Variants in LCLAT1 observed in about 807,000 individuals in gnomAD.
The protein encoded by LCLAT1 is lysocardiolipin acyltransferase 1.
In LCLAT1, 11 loss-of-function variants were observed where a neutral mutation model predicts 30.7. The observed-to-expected ratio is 0.36, with a 90% CI of 0.23 to 0.59. The LOEUF (loss-of-function observed/expected upper bound fraction) is 0.59. Among genes scored for constraint, LCLAT1 ranks in the 20% least tolerant of loss-of-function variants. LCLAT1 has a pLI of 0.77. For synonymous variants in LCLAT1, 155 were observed against 151.3 expected, an observed-to-expected ratio of 1.02 and a Z score of -0.18; for missense variants, 402 against 458.6, an observed-to-expected ratio of 0.88 and a Z score of 1.13.
At chr2:30,504,838 G>A (rs549716848) in intron 1 of LCLAT1, among the ~76,000 whole-genome samples, 4 of 152,246 alleles carry the variant, frequency 2.6e-5, no homozygotes, top group South Asian at 4.1e-4. Flanking sequence ...AGAGGCAACC[G>A]CATGTGTCAT....
chr2:30,586,286 C>T (rs1270841695), intron 5 of LCLAT1, among the ~76,000 whole-genome samples: 1 of 150,498 alleles, frequency 6.6e-6, no homozygotes, highest in East Asian at 1.9e-4. Context: ...TATTCTCTCA[C>T]AGTCTGTAAG....
intron 5 of LCLAT1, among the ~76,000 whole-genome samples, chr2:30,578,081 G>A (rs887823142): frequency 3.3e-5 from 5 of 152,072 alleles, no homozygotes; most frequent in Non-Finnish European, 5.9e-5. Context: ...ATAGTTGTTT[G>A]TCTTATCTCT....
At chr2:30,478,089 A>G (rs956769603) in intron 1 of LCLAT1, among the ~76,000 whole-genome samples, 3 of 150,472 alleles carry the variant, frequency 2.0e-5, no homozygotes, top group Admixed American at 6.6e-5. Flanking sequence ...AAAAAAAAAA[A>G]GGCATAAGCC....
At chr2:30,553,661 A>G (rs896280051) in intron 3 of LCLAT1, among the ~76,000 whole-genome samples, 11 of 151,110 alleles carry the variant, frequency 7.3e-5, no homozygotes, top group African/African-American at 1.2e-4. Context: ...TAAAAATACA[A>G]AAAATTAGCC....
Position 30,600,531 on chromosome 2 carries a change from G to A in LCLAT1, c.628+32355G>A, listed in dbSNP as rs115421011. 3.5e-3 allele frequency among the ~76,000 whole-genome samples: 531 copies of A among 152,252 alleles called. 1 individual carries two copies. The highest frequency in any genetic ancestry group is 0.011 in the African/African-American group (460 of 41,544). The stretch of plus-strand genomic sequence containing the variant: ...AGCCAAGATCAGAGTTGAAGTGAAA[G>A]ACACAGAGATATGAAAAACAAACAC... On this transcript the variant is annotated intron_variant, in intron 5 of 5. Coordinates refer to ENST00000379509, the MANE Select transcript of LCLAT1 (RefSeq NM_001002257.3).
chr2:30,600,297 A>G (rs540422681), intron 5 of LCLAT1, among the ~76,000 whole-genome samples: 1 of 152,342 alleles, frequency 6.6e-6, no homozygotes, highest in Non-Finnish European at 1.5e-5. Context: ...ATTAAGGCAG[A>G]AATCAAGAAG....
At position 30,548,872 on chromosome 2, in the gene LCLAT1, AT is replaced by A. The variant is rs1233757482; in HGVS notation, c.365-13273del. On this transcript the variant is annotated intron_variant, in intron 3 of 5. Coordinates refer to ENST00000379509, the MANE Select transcript of LCLAT1 (RefSeq NM_001002257.3). ...TACAGGGTTAAACAAAGCTCATGTG[AT>A]GAGAATTTATGGTTTGTAGGGCATG... Among the ~76,000 whole-genome samples the A allele has an allele frequency of 2.0e-5, 3 of 152,258 alleles. No homozygotes were observed. The East Asian group carries it at 5.8e-4, about 29-fold the overall frequency.
chr2:30,521,489 C>CTT lies in LCLAT1; in HGVS notation c.-4-4097_-4-4096dup, dbSNP rs1262784785. On this transcript the variant is annotated intron_variant, in intron 1 of 5. Coordinates refer to ENST00000379509, the MANE Select transcript of LCLAT1 (RefSeq NM_001002257.3). ...GTTTCCTCAACCCCCTAAACTACTT[C>CTT]TTCTTTTTTTTTTTTTTTTTTTTTT... Among the ~76,000 whole-genome samples, 50 of 55,528 alleles carry CTT rather than the reference C, an allele frequency of 9.0e-4. 1 individual carries two copies. The highest frequency in any genetic ancestry group is 2.1e-3 in the African/African-American group (26 of 12,258). The allele number at this position is 55,528 out of a possible 152,430, so 36.4% of individuals were successfully genotyped here. A position where few individuals can be genotyped will look rare whatever the true frequency, so the allele number is the denominator to read the frequency against.
At chr2:30,616,331 T>C (rs1667990329) in intron 5 of LCLAT1, among the ~76,000 whole-genome samples, 1 of 152,184 alleles carries the variant, frequency 6.6e-6, no homozygotes, top group Non-Finnish European at 1.5e-5. Context: ...TCAAACAGAT[T>C]AGATGCCATA....
intron 5 of LCLAT1, chr2:30,606,598 T>TAAAG (rs1667457289): frequency 6.9e-6 from 1 of 144,116 alleles, no homozygotes; most frequent in African/African-American, 2.6e-5. Flanking sequence ...CAAGATGGAT[T>TAAAG]AAAGACTTAA....
chr2:30,553,937 A>G (rs1664797330), intron 3 of LCLAT1, among the ~76,000 whole-genome samples: 1 of 152,258 alleles, frequency 6.6e-6, no homozygotes, highest in Non-Finnish European at 1.5e-5. Context: ...GGATCTTAAC[A>G]TTAAGAAAAA....
At chr2:30,465,421 T>C (rs1163416786) in intron 1 of LCLAT1, among the ~76,000 whole-genome samples, 2 of 152,194 alleles carry the variant, frequency 1.3e-5, no homozygotes, top group East Asian at 1.9e-4. Flanking sequence ...TTTCAGACTT[T>C]TTTTGGCCTC....
chr2:30,638,337 A>C (rs1202610976), intron 5 of LCLAT1, among the ~76,000 whole-genome samples: 1 of 152,210 alleles, frequency 6.6e-6, no homozygotes, highest in Non-Finnish European at 1.5e-5. Context: ...TTAAATGTGC[A>C]ATCTGATTTT....
chr2:30,494,947 A>C (rs2148332750), intron 1 of LCLAT1, among the ~76,000 whole-genome samples: 1 of 148,964 alleles, frequency 6.7e-6, no homozygotes, highest in South Asian at 2.1e-4. Flanking sequence ...CATTTCATGA[A>C]GTGTGATTTT....
At chr2:30,623,376 C>G (rs1668360343) in intron 5 of LCLAT1, among the ~76,000 whole-genome samples, 1 of 151,976 alleles carries the variant, frequency 6.6e-6, no homozygotes, top group Non-Finnish European at 1.5e-5. Context: ...TTAAATGTTA[C>G]AGGATATGGA....
At chr2:30,529,434 T>G (rs1219789420) in intron 2 of LCLAT1, among the ~76,000 whole-genome samples, 1 of 152,232 alleles carries the variant, frequency 6.6e-6, no homozygotes, top group African/African-American at 2.4e-5. Flanking sequence ...TTTGAATGTT[T>G]CTATAATTCG....
intron 5 of LCLAT1, among the ~76,000 whole-genome samples, chr2:30,638,682 A>G (rs545286007): frequency 1.3e-5 from 2 of 152,194 alleles, no homozygotes; most frequent in South Asian, 2.1e-4. Context: ...TACAGGTCCA[A>G]CACTCCACCT....
chr2:30,577,820 C>T (rs1286027553), intron 5 of LCLAT1, among the ~76,000 whole-genome samples: 1 of 151,950 alleles, frequency 6.6e-6, no homozygotes, highest in African/African-American at 2.4e-5. Flanking sequence ...TTGTCTTTGA[C>T]CATGGCCATT....
At chr2:30,458,287 T>A (rs1460598941) in intron 1 of LCLAT1, among the ~76,000 whole-genome samples, 1 of 152,220 alleles carries the variant, frequency 6.6e-6, no homozygotes, top group Non-Finnish European at 1.5e-5. Context: ...GACCCTGCTC[T>A]GTCTGGCTTT....
Sources: allele counts gnomAD v4.1 joint callset (sites outside exome capture counted in the v4.1 genomes callset), GRCh38; gene constraint gnomAD v4.1.1; transcripts MANE v1.5; gene names NCBI Gene and HGNC (gene_info 2026-07-23, HGNC 2026-07-21).